Variants in LTBP4 observed in about 807,000 individuals in gnomAD.
LTBP4 encodes latent transforming growth factor beta binding protein 4.
A neutral mutation model predicts 180.2 loss-of-function variants in LTBP4; 93 were observed. The observed-to-expected ratio is 0.52, with a 90% confidence interval of 0.44 to 0.61. The LOEUF is 0.61. Among genes scored for constraint, LTBP4 ranks in the 20% least tolerant of loss-of-function variants. LTBP4 has a pLI of 0.00. For synonymous variants in LTBP4, 947 were observed against 934.5 expected, an observed-to-expected ratio of 1.01 and a Z score of -0.24; for missense variants, 2,116 against 2,256.5, an observed-to-expected ratio of 0.94 and a Z score of 1.26.
chr19:40,594,892 C>T (rs2081382430), intron 1 of LTBP4, among the ~76,000 whole-genome samples: 1 of 151,474 alleles, frequency 6.6e-6, no homozygotes, highest in Admixed American at 6.6e-5. Context: ...CCCGTCAGTC[C>T]TGCACACCCT....
Position 40,613,599 on chromosome 19 carries a change from AGAG to A in LTBP4, c.2557+72_2557+74del. ...GGCAGGAAAAGGCGGGACGGGGAGA[AGAG>A]GGCGAAAAGGGGAAAACGAGTTTTT... is the stretch of plus-strand genomic sequence containing the variant. On this transcript the variant is annotated intron_variant, in intron 17 of 29. Coordinates refer to ENST00000396819, the MANE Select transcript of LTBP4 (RefSeq NM_001042545.2). The surrounding 1 kb of genome is among the most constrained non-coding windows in gnomAD (Gnocchi z 5.0). 2 of 1,539,838 alleles carry A rather than the reference AGAG, an allele frequency of 1.3e-6. No individual in the cohort carries two copies. The highest frequency in any genetic ancestry group is 1.7e-6 in the Non-Finnish European group (2 of 1,146,520).
At chr19:40,604,016 A>C (rs889498121) in intron 1 of LTBP4, among the ~76,000 whole-genome samples, 1 of 152,230 alleles carries the variant, frequency 6.6e-6, no homozygotes, top group South Asian at 2.1e-4. Flanking sequence ...CCCCGGTGCT[A>C]CTGGAGGCTG....
chr19:40,623,757 C>T, intron 25 of LTBP4, 25 bp downstream of exon 25: 1 of 1,613,038 alleles, frequency 6.2e-7, no homozygotes, highest in Non-Finnish European at 8.5e-7. Context: ...TCCCCCAACC[C>T]CCGGCAACTC....
chr19:40,605,249 C>G lies in LTBP4; in HGVS notation c.442+23C>G. 6.4e-7 allele frequency: 1 copy of G among 1,566,236 alleles called. No individual in the cohort carries two copies. The highest frequency in any genetic ancestry group is 8.7e-7 in the Non-Finnish European group (1 of 1,154,850). ...ACGGTGAGGAAAGGGTGGCCAGAGTCCCCTCCGACCCCTGTCAAGCATTTC... is the reference window on the plus strand; with the variant it reads ...ACGGTGAGGAAAGGGTGGCCAGAGTGCCCTCCGACCCCTGTCAAGCATTTC... On this transcript the variant is annotated intron_variant, in intron 2 of 29. Coordinates refer to ENST00000396819, the MANE Select transcript of LTBP4 (RefSeq NM_001042545.2). This position sits in a 1 kb window ranked among gnomAD's most constrained non-coding sequence, Gnocchi z 5.5.
chr19:40,608,207 T>C lies in LTBP4; in HGVS notation c.1157-13T>C, dbSNP rs772215898. On this transcript the variant is annotated splice_polypyrimidine_tract_variant and intron_variant, in intron 7 of 29. Coordinates refer to ENST00000396819, the MANE Select transcript of LTBP4 (RefSeq NM_001042545.2). ...TCTCTTGTCCTCTCTCTGTCTCTCT[T>C]ACCTATTCCCAGAGGGTTTCCGGGA... The C allele has an allele frequency of 1.1e-5, 18 of 1,613,712 alleles. No individual in the cohort carries two copies. The South Asian group carries it at 1.5e-4, about 14-fold the overall frequency.
In LTBP4 at chr19:40,601,432, G is replaced by C. The variant is rs1317137592; in HGVS notation, c.45G>C (p.Leu15=). 1 of 1,454,966 alleles carries C rather than the reference G, an allele frequency of 6.9e-7. No homozygotes were observed. The highest frequency in any genetic ancestry group is 2.4e-5 in the Admixed American group (1 of 41,536). 90.1% of individuals were successfully genotyped at this position (1,454,966 alleles called of 1,614,324 possible). A position where few individuals can be genotyped will look rare whatever the true frequency, so the allele number is the denominator to read the frequency against. ...TGCTCTGGGTGTCGCTATTGGTGCTGCTGGCGCAGCTAGGGCCGCAGCCTG... is the reference window on the plus strand; with the variant it reads ...TGCTCTGGGTGTCGCTATTGGTGCTCCTGGCGCAGCTAGGGCCGCAGCCTG... ...VRLLWVSLLV[L]LAQLGPQPGL... The change falls in exon 1 of 30, where the codon CTG becomes CTC. Residue 15 remains leucine (L), a synonymous_variant. Coordinates refer to ENST00000396819, the MANE Select transcript of LTBP4 (RefSeq NM_001042545.2).
upstream of LTBP4, chr19:40,599,552 C>G: frequency 6.2e-7 from 1 of 1,608,162 alleles, no homozygotes; most frequent in African/African-American, 1.3e-5. Context: ...CTGGCAGCCA[C>G]TGACGTGAGT....
chr19:40,599,211 G>T, upstream of LTBP4: 2 of 1,611,128 alleles, frequency 1.2e-6, no homozygotes, highest in Non-Finnish European at 1.7e-6. Context: ...GCTGTTTGTC[G>T]CTGCTGCCCG....
chr19:40,606,113 G>T, intron 4 of LTBP4, 120 bp from the exon 5 acceptor site: 1 of 973,700 alleles, frequency 1.0e-6, no homozygotes, highest in Non-Finnish European at 1.6e-6. Context: ...ACCTAAGGCT[G>T]TCCCTGCACT....
At position 40,609,947 on chromosome 19, in the gene LTBP4, C is replaced by A. The variant is rs960657368; in HGVS notation, c.1684+76C>A. On this transcript the variant is annotated intron_variant, in intron 11 of 29. Transcript: ENST00000396819. The surrounding 1 kb of genome is among the most constrained non-coding windows in gnomAD (Gnocchi z 4.9). ...TGCTCTCACTCCAGAGCCTCTCCAG[C>A]CCTCCCACGCTTCCCCTCTCGGGTC... 6.9e-7 allele frequency: 1 copy of A among 1,443,280 alleles called. No homozygotes were observed. The highest frequency in any genetic ancestry group is 1.4e-5 in the African/African-American group (1 of 70,280). 89.4% of individuals were successfully genotyped at this position (1,443,280 alleles called of 1,614,324 possible).
In LTBP4 at chr19:40,609,595, C is replaced by G. The variant is rs1302669416; in HGVS notation, c.1492C>G (p.Pro498Ala). The G allele has an allele frequency of 1.2e-6, 2 of 1,613,422 alleles. No homozygotes were observed. The highest frequency in any genetic ancestry group is 1.7e-6 in the Non-Finnish European group (2 of 1,179,860). The change falls in exon 10 of 30, where the codon CCC becomes GCC. Residue 498 changes from proline (P) to alanine (A), a missense_variant. Around this residue, in one of 5 missense-constraint regions of LTBP4, gnomAD observed 877 missense variants for 873.6 expected, o/e 1.00. Coordinates refer to ENST00000396819, the MANE Select transcript of LTBP4 (RefSeq NM_001042545.2). This position sits in a 1 kb window ranked among gnomAD's most constrained non-coding sequence, Gnocchi z 4.9. The part of the protein sequence containing the change: ...VCGPGRCISR[P>A]SGYTCACDSG... ...CGGCCCAGGACGCTGCATTTCCCGG[C>G]CCAGCGGCTACACCTGCGCTTGCGA...
At position 40,625,316 on chromosome 19, in the gene LTBP4, A is replaced by ATTTTT. The variant is rs1162232222; in HGVS notation, c.3833-534_3833-530dup. Reference sequence around the variant, plus strand: ...TATATATATATATATATATATATATATTTTTTTTTTTAAAGATGGGTTTTT... The same window carrying ATTTTT: ...TATATATATATATATATATATATATATTTTTTTTTTTTTTTTAAAGATGGGTTTTT... On this transcript the variant is annotated intron_variant, in intron 26 of 29. Transcript: ENST00000396819. 1.3e-3 allele frequency among the ~76,000 whole-genome samples: 28 copies of ATTTTT among 21,928 alleles called. 2 individuals carry two copies. Among genetic ancestry groups the ATTTTT allele is most frequent in the South Asian group, 4.3e-3 (2 of 464 alleles). 14.4% of individuals were successfully genotyped at this position (21,928 alleles called of 152,430 possible).
intron 22 of LTBP4, among the ~76,000 whole-genome samples, chr19:40,621,996 G>A (rs945118724): frequency 4.6e-5 from 7 of 152,104 alleles, no homozygotes; most frequent in Non-Finnish European, 1.0e-4. Flanking sequence ...TAATCCAACC[G>A]CGTCGGCCTC....
intron 26 of LTBP4, among the ~76,000 whole-genome samples, chr19:40,624,486 G>C (rs1394457682): frequency 6.6e-6 from 1 of 152,108 alleles, no homozygotes; most frequent in Non-Finnish European, 1.5e-5. Flanking sequence ...CTCCACCTCC[G>C]GGGTTCAAAC....
chr19:40,613,556 C>G lies in LTBP4; in HGVS notation c.2557+27C>G. The G allele has an allele frequency of 6.4e-7, 1 of 1,555,856 alleles. No individual in the cohort carries two copies. The highest frequency in any genetic ancestry group is 1.2e-5 in the South Asian group (1 of 84,930). On this transcript the variant is annotated intron_variant, in intron 17 of 29. Transcript: ENST00000396819. This position sits in a 1 kb window ranked among gnomAD's most constrained non-coding sequence, Gnocchi z 5.0. ...TTCGTACCCGGGCTGATCCTGGCCC[C>G]GGAAAGGGTGGGCTTAGGGCAGGAA...
At position 40,613,213 on chromosome 19, in the gene LTBP4, C is replaced by A; in HGVS notation, c.2431+17C>A. ...CCTGCGCAGGTGAGCAGCATAGGGACCCGCCAGAGAGTCTGGGAGTAGGGC... is the reference window on the plus strand; with the variant it reads ...CCTGCGCAGGTGAGCAGCATAGGGAACCGCCAGAGAGTCTGGGAGTAGGGC... On this transcript the variant is annotated intron_variant, in intron 16 of 29. Transcript: ENST00000396819. The surrounding 1 kb of genome is among the most constrained non-coding windows in gnomAD (Gnocchi z 5.0). 6.4e-7 allele frequency: 1 copy of A among 1,558,436 alleles called. No individual in the cohort carries two copies. The highest frequency in any genetic ancestry group is 8.7e-7 in the Non-Finnish European group (1 of 1,150,698).
intron 18 of LTBP4, 137 bp downstream of exon 18, chr19:40,614,175 C>T (rs1335770447): frequency 1.4e-6 from 2 of 1,445,134 alleles, no homozygotes; most frequent in Admixed American, 1.8e-5. Flanking sequence ...CTAGCCTCCC[C>T]AACTCTCCTC....
chr19:40,611,094 G>T lies in LTBP4; in HGVS notation c.1811-58G>T. The T allele has an allele frequency of 1.2e-6, 2 of 1,601,862 alleles. No individual in the cohort carries two copies. Among genetic ancestry groups the T allele is most frequent in the South Asian group, 2.2e-5 (2 of 90,444 alleles). On this transcript the variant is annotated intron_variant, in intron 12 of 29. Transcript: ENST00000396819. The surrounding 1 kb of genome is among the most constrained non-coding windows in gnomAD (Gnocchi z 4.4). ...ATGTTGGAGGGTGGAAAGCCAAAGT[G>T]ACAGAGGTCAGGGAGGCAGAGGGGA...
intron 1 of LTBP4, among the ~76,000 whole-genome samples, chr19:40,593,620 T>A (rs1211162595): frequency 2.0e-5 from 3 of 150,896 alleles, no homozygotes. Context: ...AAATCTAGTA[T>A]GTAGGGGGAG....
Sources: allele counts gnomAD v4.1 joint callset (sites outside exome capture counted in the v4.1 genomes callset), GRCh38; gene constraint gnomAD v4.1.1; regional missense constraint gnomAD v4.1.1; non-coding constraint Gnocchi (gnomAD v3.1); transcripts MANE v1.5; gene names NCBI Gene and HGNC (gene_info 2026-07-23, HGNC 2026-07-21).